Variants in USP7 observed in about 807,000 individuals in gnomAD.
The protein encoded by USP7 is ubiquitin C-terminal hydrolase 7.
USP7 carries 9 observed loss-of-function variants against 162.9 expected under a neutral mutation model. That is an observed-to-expected ratio of 0.06 (90% CI 0.03 to 0.10). USP7 has a LOEUF of 0.10. Among genes scored for constraint, USP7 ranks in the 10% least tolerant of loss-of-function variants. The pLI, the probability that USP7 is intolerant of heterozygous loss-of-function variation, is 1.00. For synonymous variants in USP7, 562 were observed against 475.9 expected (o/e 1.18, Z -2.35); for missense variants, 715 against 1,373.7 (o/e 0.52, Z 7.58).
intron 1 of USP7, among the ~76,000 whole-genome samples, chr16:8,931,904 G>A (rs150824614): frequency 1.3e-5 from 2 of 152,296 alleles, no homozygotes; most frequent in Non-Finnish European, 2.9e-5. Context: ...CTGGTGCACT[G>A]GACACCAACA....
intron 1 of USP7, among the ~76,000 whole-genome samples, chr16:8,938,509 G>A (rs1474858779): frequency 6.6e-6 from 1 of 151,908 alleles, no homozygotes; most frequent in East Asian, 1.9e-4. Context: ...TCAGGAGATC[G>A]AGACCATCCT....
intron 1 of USP7, among the ~76,000 whole-genome samples, chr16:8,957,497 G>A (rs113947582): frequency 0.031 from 4,676 of 151,742 alleles, 179 homozygotes; most frequent in African/African-American, 0.088. Context: ...TAATCCCAGT[G>A]CTTTGAGAGG....
In USP7 at chr16:8,917,135, CG is replaced by C; in HGVS notation, c.741del (p.Glu248ArgfsTer11). Reference protein sequence around the residue: ...QLRKAVYMMPTEGDDSSKSVP... With the variant: ...QLRKAVYMMPXEGDDSSKSVP... ...ACGCTTTTAGACGAATCATCCCCCT[CG>C]GTTGGCATCATGTACACAGCCTGAA... is the stretch of plus-strand genomic sequence containing the variant. On this transcript the variant is annotated frameshift_variant, in exon 7 of 31. Coordinates refer to ENST00000344836, the MANE Select transcript of USP7 (RefSeq NM_003470.3). LOFTEE classifies it high-confidence loss of function. 6.2e-7 allele frequency: 1 copy of C among 1,612,832 alleles called. No individual in the cohort carries two copies. The highest frequency in any genetic ancestry group is 1.1e-5 in the South Asian group (1 of 90,734).
rs112122697 is a variant in USP7, at chr16:8,919,953, T to C, written c.611+406A>G. On this transcript the variant is annotated intron_variant, in intron 5 of 30. Transcript: ENST00000344836. Reference sequence around the variant, plus strand: ...CTTTACTCCTCGCTCACCATGTTAGTTGTCGGTGATGCTCACCTCTTCCCC... The same window carrying C: ...CTTTACTCCTCGCTCACCATGTTAGCTGTCGGTGATGCTCACCTCTTCCCC... Among the ~76,000 whole-genome samples the C allele has an allele frequency of 2.7e-3, 417 of 152,254 alleles. 2 individuals are homozygous for C. Among genetic ancestry groups the C allele is most frequent in the African/African-American group, 9.3e-3 (387 of 41,548 alleles).
intron 1 of USP7, chr16:8,962,708 T>C (rs550070666): frequency 2.2e-4 from 41 of 183,906 alleles, no homozygotes; most frequent in Middle Eastern, 2.6e-3. Flanking sequence ...AGCCCGACGC[T>C]AGGCAGTGCT....
chr16:8,916,357 C>T, intron 8 of USP7, 145 bp downstream of exon 8: 2 of 773,762 alleles, frequency 2.6e-6, no homozygotes, highest in South Asian at 4.7e-5. Flanking sequence ...AACTAGACAT[C>T]TGCTGCCTTT....
At chr16:8,915,023 T>C (rs1415058529) in intron 10 of USP7, among the ~76,000 whole-genome samples, 2 of 152,202 alleles carry the variant, frequency 1.3e-5, no homozygotes, top group Non-Finnish European at 2.9e-5. Context: ...ACGTGGTGGT[T>C]TCCTGTGAGG....
At chr16:8,942,427 T>C (rs1183940193) in intron 1 of USP7, among the ~76,000 whole-genome samples, 1 of 152,202 alleles carries the variant, frequency 6.6e-6, no homozygotes, top group African/African-American at 2.4e-5. Context: ...TCTGCAGCAC[T>C]GTGAGGGTCT....
intron 2 of USP7, among the ~76,000 whole-genome samples, chr16:8,927,031 T>G (rs1211756155): frequency 6.6e-6 from 1 of 152,088 alleles, no homozygotes; most frequent in Non-Finnish European, 1.5e-5. Context: ...AAAAGAAAGG[T>G]AGGCCGGGCG....
At chr16:8,914,301 A>G (rs1160917223) in intron 10 of USP7, among the ~76,000 whole-genome samples, 2 of 151,976 alleles carry the variant, frequency 1.3e-5, no homozygotes, top group African/African-American at 4.8e-5. Flanking sequence ...GTGTGGAGCA[A>G]CTGCAACTCT....
chr16:8,960,712 G>C (rs967360469), intron 1 of USP7, among the ~76,000 whole-genome samples: 2 of 152,166 alleles, frequency 1.3e-5, no homozygotes, highest in Non-Finnish European at 2.9e-5. Context: ...GCCAACCAGA[G>C]TCCACTAAAT....
chr16:8,901,062 G>A lies in USP7; in HGVS notation c.2141-5C>T, dbSNP rs372726209. 1.4e-5 allele frequency: 23 copies of A among 1,613,982 alleles called. No individual in the cohort carries two copies. The highest frequency in any genetic ancestry group is 1.7e-5 in the Admixed American group (1 of 59,994). On this transcript the variant is annotated splice_region_variant and splice_polypyrimidine_tract_variant and intron_variant, in intron 19 of 30. Coordinates refer to ENST00000344836, the MANE Select transcript of USP7 (RefSeq NM_003470.3). ...ACATAACTGGGAGCAAGTCACCTAG[G>A]AGAAAGAAGATATTTTAAATGTGTA... is the stretch of plus-strand genomic sequence containing the variant.
rs887299191 is a variant in USP7 at position 8,893,773 on chromosome 16, ACT to A, written c.*223_*224del. 68 of 502,746 alleles carry A rather than the reference ACT, an allele frequency of 1.4e-4. No homozygotes were observed. The Admixed American group carries it at 2.1e-3, about 15-fold the overall frequency. 31.1% of individuals were successfully genotyped at this position (502,746 alleles called of 1,614,324 possible). A position where few individuals can be genotyped will look rare whatever the true frequency, so the allele number is the denominator to read the frequency against. On this transcript the variant is annotated 3_prime_UTR_variant, in exon 31 of 31. Transcript: ENST00000344836. Reference sequence around the variant, plus strand: ...CTTGCACTGTGGTTACCATAAAATAACTCTCATTGGCATCCAAGCTTTATAAA... The same window carrying A: ...CTTGCACTGTGGTTACCATAAAATAACTCATTGGCATCCAAGCTTTATAAA...
rs376237187 is a variant in USP7 at position 8,894,534 on chromosome 16, G to A, written c.3202+16C>T. 1.2e-6 allele frequency: 2 copies of A among 1,609,450 alleles called. No homozygotes were observed. Among genetic ancestry groups the A allele is most frequent in the Non-Finnish European group, 8.5e-7 (1 of 1,179,168 alleles). ...CTGAAACCCACACCAGCCCCCGGGGGGGGGAGAACCCTTACCGGGCTGTGG... is the reference window on the plus strand; with the variant it reads ...CTGAAACCCACACCAGCCCCCGGGGAGGGGAGAACCCTTACCGGGCTGTGG... On this transcript the variant is annotated intron_variant, in intron 30 of 30. Transcript: ENST00000344836.
At chr16:8,895,823 A>T (rs1286587814) in intron 26 of USP7, 82 bp from the exon 27 acceptor site, 2 of 1,028,090 alleles carry the variant, frequency 1.9e-6, no homozygotes, top group Non-Finnish European at 2.8e-6. Context: ...AGAAAGAAAT[A>T]AAGTTACCAC....
chr16:8,923,512 A>T, intron 2 of USP7, 99 bp from the exon 3 acceptor site: 2 of 1,280,790 alleles, frequency 1.6e-6, no homozygotes, highest in Non-Finnish European at 2.2e-6. Context: ...ATCCTGATTT[A>T]ACTGCTAAAA....
chr16:8,947,397 G>A (rs978393324), intron 1 of USP7, among the ~76,000 whole-genome samples: 1 of 151,534 alleles, frequency 6.6e-6, no homozygotes, highest in Non-Finnish European at 1.5e-5. Flanking sequence ...CACCCAGGCC[G>A]AAGTACAGTG....
intron 1 of USP7, among the ~76,000 whole-genome samples, chr16:8,957,591 CAA>C (rs111693286): frequency 1.9e-4 from 25 of 132,164 alleles, no homozygotes; most frequent in South Asian, 2.5e-4. Flanking sequence ...ACTTAAAATT[CAA>C]AAAAAAAAAA....
Position 8,908,325 on chromosome 16 carries a change from T to A in USP7, c.1271+16A>T, listed in dbSNP as rs775955485. 6.3e-7 allele frequency: 1 copy of A among 1,592,446 alleles called. No individual in the cohort carries two copies. Among genetic ancestry groups the A allele is most frequent in the Non-Finnish European group, 8.6e-7 (1 of 1,160,820 alleles). The stretch of plus-strand genomic sequence containing the variant: ...ATGATGATGAAATCTTAACTTTATA[T>A]CCCACTATAGATTACCTATCATTGA... On this transcript the variant is annotated intron_variant, in intron 12 of 30. Transcript: ENST00000344836.
Sources: gnomAD v4.1 joint callset for allele counts (sites outside exome capture counted in the v4.1 genomes callset) on GRCh38, gnomAD v4.1.1 for gene constraint, MANE v1.5 for transcripts, NCBI Gene and HGNC (gene_info 2026-07-23, HGNC 2026-07-21) for gene names.